Variants in IFT43 observed in about 807,000 individuals in gnomAD.
IFT43 encodes intraflagellar transport protein 43 homolog.
Under a neutral mutation model 32.3 loss-of-function variants are expected in IFT43, and 33 were observed. The ratio of observed to expected loss-of-function variants is 1.02; its 90% CI spans 0.77 to 1.37. The LOEUF (loss-of-function observed/expected upper bound fraction) is 1.37. IFT43 is among the 40% of genes most tolerant of loss of function. The pLI is 0.00. For synonymous variants in IFT43, 93 were observed against 98.2 expected, an observed-to-expected ratio of 0.95 and a Z score of 0.31; for missense variants, 274 against 265.9, an observed-to-expected ratio of 1.03 and a Z score of -0.21.
chr14:76,048,410 G>A (rs2036849567), intron 3 of IFT43, among the ~76,000 whole-genome samples: 1 of 152,220 alleles, frequency 6.6e-6, no homozygotes, highest in Non-Finnish European at 1.5e-5. Context: ...AATGATTAGA[G>A]AGGCCAACCA....
chr14:75,994,320 T>C (rs908344972), intron 2 of IFT43, among the ~76,000 whole-genome samples: 3 of 152,106 alleles, frequency 2.0e-5, no homozygotes, highest in African/African-American at 7.2e-5. Context: ...TGTGGTTTGG[T>C]CCAGGTAATT....
downstream of IFT43, chr14:76,083,773 G>A: frequency 1.4e-6 from 1 of 705,424 alleles, no homozygotes; most frequent in Non-Finnish European, 2.5e-6. Context: ...TCTCTTCTTG[G>A]AAAATGTATC....
intron 6 of IFT43, 68 bp downstream of exon 6, chr14:76,082,435 A>G (rs1172240736): frequency 2.6e-6 from 3 of 1,168,462 alleles, no homozygotes; most frequent in Non-Finnish European, 2.6e-6. Flanking sequence ...GATATCATCT[A>G]TAGTGGACCT....
chr14:76,012,739 C>G (rs1227051552), intron 2 of IFT43, among the ~76,000 whole-genome samples: 1 of 152,184 alleles, frequency 6.6e-6, no homozygotes, highest in Non-Finnish European at 1.5e-5. Flanking sequence ...ATTTCTGTCC[C>G]TCTTGGTGTT....
At chr14:76,078,081 G>A (rs184179791) in intron 5 of IFT43, among the ~76,000 whole-genome samples, 1 of 152,306 alleles carries the variant, frequency 6.6e-6, no homozygotes, top group African/African-American at 2.4e-5. Flanking sequence ...AAAGATACAA[G>A]CAAGGTGCAG....
chr14:76,009,880 C>T (rs575704793), intron 2 of IFT43, among the ~76,000 whole-genome samples: 43 of 152,054 alleles, frequency 2.8e-4, no homozygotes, highest in Non-Finnish European at 4.7e-4. Context: ...CTGCAACCTC[C>T]GCCTCCTGGG....
intron 4 of IFT43, chr14:76,059,032 C>T: frequency 2.1e-6 from 3 of 1,420,450 alleles, no homozygotes; most frequent in Non-Finnish European, 2.7e-6. Flanking sequence ...AAGAAGTTTT[C>T]TAGATAAAGG....
chr14:76,064,798 G>A (rs866541625), intron 5 of IFT43, among the ~76,000 whole-genome samples: 7 of 152,126 alleles, frequency 4.6e-5, no homozygotes, highest in African/African-American at 7.2e-5. Flanking sequence ...ATGGAAACAC[G>A]AGAAAACAAA....
intron 3 of IFT43, among the ~76,000 whole-genome samples, chr14:76,041,302 G>C (rs2036701869): frequency 6.6e-6 from 1 of 152,198 alleles, no homozygotes; most frequent in African/African-American, 2.4e-5. Flanking sequence ...GGTCTTAGAA[G>C]GTCAGGAAAG....
intron 5 of IFT43, among the ~76,000 whole-genome samples, chr14:76,079,550 G>T (rs1335979288): frequency 2.0e-5 from 3 of 152,218 alleles, no homozygotes; most frequent in Non-Finnish European, 4.4e-5. Context: ...TCCAGAGCCT[G>T]CTTCTTAACC....
chr14:75,989,695 A>T (rs965855363), intron 2 of IFT43, among the ~76,000 whole-genome samples: 136 of 152,196 alleles, frequency 8.9e-4, no homozygotes, highest in African/African-American at 3.2e-3. Context: ...ATGCCATTAT[A>T]TGTGAATTGT....
At chr14:76,056,828 G>A (rs148808917) in intron 3 of IFT43, among the ~76,000 whole-genome samples, 29 of 152,284 alleles carry the variant, frequency 1.9e-4, no homozygotes, top group African/African-American at 7.0e-4. Flanking sequence ...CAGACAGAAG[G>A]TGGCTTTGAT....
At chr14:76,075,886 T>C (rs1390373763) in intron 5 of IFT43, among the ~76,000 whole-genome samples, 8 of 152,256 alleles carry the variant, frequency 5.3e-5, no homozygotes, top group African/African-American at 1.9e-4. Flanking sequence ...AGAAAAATTA[T>C]AATGATCTCT....
intron 3 of IFT43, among the ~76,000 whole-genome samples, chr14:76,027,744 A>G (rs1401535555): frequency 1.3e-5 from 2 of 151,636 alleles, no homozygotes; most frequent in East Asian, 3.9e-4. Context: ...CATTCTCTAC[A>G]GTATCACAGT....
intron 5 of IFT43, among the ~76,000 whole-genome samples, chr14:76,079,804 C>T (rs2037475816): frequency 6.6e-6 from 1 of 152,196 alleles, no homozygotes; most frequent in African/African-American, 2.4e-5. Flanking sequence ...CACCAGTCCA[C>T]CTTTGCAGGT....
At chr14:76,083,348 A>C in intron 8 of IFT43, 59 bp downstream of exon 8, 1 of 1,609,394 alleles carries the variant, frequency 6.2e-7, no homozygotes, top group Middle Eastern at 1.7e-4. Flanking sequence ...TAACCAGCCG[A>C]CTCCCGGGCT....
chr14:76,019,080 TC>T (rs2036242568), intron 2 of IFT43, among the ~76,000 whole-genome samples: 1 of 152,154 alleles, frequency 6.6e-6, no homozygotes, highest in African/African-American at 2.4e-5. Context: ...TATCCTTTTT[TC>T]CTTACTTCCT....
chr14:76,039,196 G>C (rs182073763), intron 3 of IFT43, among the ~76,000 whole-genome samples: 5 of 151,620 alleles, frequency 3.3e-5, no homozygotes, highest in African/African-American at 9.7e-5. Context: ...GTGGGGATGT[G>C]ATCATAGTTC....
chr14:75,987,472 A>G (rs1053346110), intron 1 of IFT43, among the ~76,000 whole-genome samples: 4 of 152,170 alleles, frequency 2.6e-5, no homozygotes, highest in African/African-American at 9.7e-5. Flanking sequence ...TAGAGTGGAA[A>G]GCACCCAGGA....
Sources: allele counts gnomAD v4.1 joint callset (sites outside exome capture counted in the v4.1 genomes callset), GRCh38; gene constraint gnomAD v4.1.1; transcripts MANE v1.5; gene names NCBI Gene and HGNC (gene_info 2026-07-23, HGNC 2026-07-21).